CCDC85C: variants seen among roughly 807,000 people sequenced by gnomAD.
CCDC85C encodes coiled-coil domain-containing protein 85C.
Under a neutral mutation model 38.3 loss-of-function variants are expected in CCDC85C, and 18 were observed. The observed-to-expected ratio is 0.47, with a 90% confidence interval of 0.33 to 0.70. The LOEUF is 0.70. Among genes scored for constraint, CCDC85C ranks in the 30% least tolerant of loss-of-function variants. The pLI, the probability that CCDC85C is intolerant of heterozygous loss-of-function variation, is 0.03. For synonymous variants in CCDC85C, 264 were observed against 293.8 expected (o/e 0.90, Z 1.04); for missense variants, 566 against 621.2 (o/e 0.91, Z 0.94).
At chr14:99,546,615 T>C (rs964371839) in intron 1 of CCDC85C, among the ~76,000 whole-genome samples, 2 of 151,884 alleles carry the variant, frequency 1.3e-5, no homozygotes, top group Non-Finnish European at 2.9e-5. Flanking sequence ...CCTAGGGCGA[T>C]GGGAGTTCAG....
intron 5 of CCDC85C, 125 bp from the exon 6 acceptor site, chr14:99,515,460 C>T (rs1282975856): frequency 6.0e-6 from 4 of 668,838 alleles, no homozygotes; most frequent in African/African-American, 3.6e-5. Flanking sequence ...AGGAGGGACA[C>T]GGAGGCCACT....
chr14:99,559,222 G>GC (rs202163707), intron 1 of CCDC85C, among the ~76,000 whole-genome samples: 6 of 151,284 alleles, frequency 4.0e-5, no homozygotes, highest in African/African-American at 1.2e-4. Flanking sequence ...GAGTCCCCCC[G>GC]AGAGCCTCCA....
chr14:99,560,464 T>A (rs991387371), intron 1 of CCDC85C, among the ~76,000 whole-genome samples: 1 of 152,170 alleles, frequency 6.6e-6, no homozygotes, highest in African/African-American at 2.4e-5. Context: ...AGGAGAGCCA[T>A]GAGTACCACA....
intron 1 of CCDC85C, among the ~76,000 whole-genome samples, chr14:99,561,609 C>T (rs1225945791): frequency 6.6e-6 from 1 of 152,204 alleles, no homozygotes; most frequent in Non-Finnish European, 1.5e-5. Context: ...CTTGCAGGAC[C>T]TGCTCTGTGC....
chr14:99,577,919 T>C (rs1595097537), intron 1 of CCDC85C, among the ~76,000 whole-genome samples: 1 of 99,490 alleles, frequency 1.0e-5, no homozygotes, highest in Non-Finnish European at 2.0e-5. Context: ...CCCCCATCAG[T>C]GTGTGTGTGT....
intron 1 of CCDC85C, among the ~76,000 whole-genome samples, chr14:99,594,763 A>G (rs2055125282): frequency 6.7e-6 from 1 of 149,292 alleles, no homozygotes; most frequent in African/African-American, 2.6e-5. Flanking sequence ...AGAGGCACAG[A>G]CTTACACATG....
intron 1 of CCDC85C, among the ~76,000 whole-genome samples, chr14:99,565,883 G>A (rs973729433): frequency 4.6e-5 from 7 of 152,202 alleles, no homozygotes; most frequent in African/African-American, 1.7e-4. Flanking sequence ...GATGATACAC[G>A]AGGGCATGCC....
chr14:99,525,325 G>C (rs918294492), intron 2 of CCDC85C, among the ~76,000 whole-genome samples: 2 of 152,154 alleles, frequency 1.3e-5, no homozygotes, highest in Non-Finnish European at 2.9e-5. Flanking sequence ...AAGCTGCAGG[G>C]GGCCTATGTG....
In CCDC85C at chr14:99,604,140, C is replaced by G; in HGVS notation, c.-181G>C. 2.3e-6 allele frequency: 1 copy of G among 428,258 alleles called. No individual in the cohort carries two copies. The highest frequency in any genetic ancestry group is 3.1e-6 in the Non-Finnish European group (1 of 323,670). 26.5% of individuals were successfully genotyped at this position (428,258 alleles called of 1,614,324 possible). A position where few individuals can be genotyped will look rare whatever the true frequency, so the allele number is the denominator to read the frequency against. On this transcript the variant is annotated 5_prime_UTR_variant, in exon 1 of 6. Transcript: ENST00000380243. ...CCGGGGCCGCCCGGGAGCCCGCGCG[C>G]CTCGGGGTTGACGAGCGGAGGCGGC...
At chr14:99,527,807 G>A (rs1897415148) in intron 2 of CCDC85C, among the ~76,000 whole-genome samples, 1 of 152,154 alleles carries the variant, frequency 6.6e-6, no homozygotes, top group Admixed American at 6.5e-5. Context: ...AACTCATGCA[G>A]ACTTGCAAGC....
chr14:99,560,590 G>A (rs2144806), intron 1 of CCDC85C, among the ~76,000 whole-genome samples: 85,903 of 152,076 alleles, frequency 0.56, 24,989 homozygotes, highest in African/African-American at 0.71. Context: ...CAGGGAAGGG[G>A]CTGCGCAGGC....
chr14:99,597,040 G>A (rs1301393199), intron 1 of CCDC85C, among the ~76,000 whole-genome samples: 1 of 152,154 alleles, frequency 6.6e-6, no homozygotes, highest in Admixed American at 6.5e-5. Flanking sequence ...AGACTCACCA[G>A]GTCTGGAACC....
chr14:99,510,722 C>A lies in CCDC85C; in HGVS notation c.*4524G>T. ...GAGGACAGCCTCCTGTGCCCCCGCC[C>A]ATTCCCCCACCCGGCATGCCTCCAG... On this transcript the variant is annotated 3_prime_UTR_variant, in exon 6 of 6. Coordinates refer to ENST00000380243, the MANE Select transcript of CCDC85C (RefSeq NM_001144995.2). The A allele has an allele frequency of 7.0e-7, 1 of 1,433,400 alleles. No individual in the cohort carries two copies. The highest frequency in any genetic ancestry group is 2.6e-5 in the East Asian group (1 of 38,368). 88.8% of individuals were successfully genotyped at this position (1,433,400 alleles called of 1,614,324 possible). A position where few individuals can be genotyped will look rare whatever the true frequency, so the allele number is the denominator to read the frequency against.
At chr14:99,554,372 G>T (rs1031794967) in intron 1 of CCDC85C, among the ~76,000 whole-genome samples, 1 of 152,214 alleles carries the variant, frequency 6.6e-6, no homozygotes, top group Admixed American at 6.5e-5. Context: ...CAAGGCCTCC[G>T]CCTGAGTGTG....
At position 99,593,426 on chromosome 14, in the gene CCDC85C, CT is replaced by C. The variant is rs532024853; in HGVS notation, c.793+9740del. On this transcript the variant is annotated intron_variant, in intron 1 of 5. Transcript: ENST00000380243. Reference sequence around the variant, plus strand: ...CAGCCTAGAAAGGCCTCTGCCTCACCTGTCCAGCCCTGCGAAAGTGGGGTGG... The same window carrying C: ...CAGCCTAGAAAGGCCTCTGCCTCACCGTCCAGCCCTGCGAAAGTGGGGTGG... 1.5e-4 allele frequency among the ~76,000 whole-genome samples: 23 copies of C among 152,396 alleles called. 1 individual carries two copies. In the South Asian group the frequency reaches 3.5e-3, roughly 23 times the overall value.
chr14:99,592,974 G>A (rs1317639320), intron 1 of CCDC85C, among the ~76,000 whole-genome samples: 2 of 152,238 alleles, frequency 1.3e-5, no homozygotes, highest in Non-Finnish European at 2.9e-5. Context: ...CTGGAGAAAG[G>A]GTGGCTGGGT....
At position 99,548,571 on chromosome 14, in the gene CCDC85C, G is replaced by A. The variant is rs977075772; in HGVS notation, c.794-12483C>T. ...GTGTCTGCCAACACCAGCTGTACTA[G>A]TGAAAACTGTAAACCACCCAAATGC... On this transcript the variant is annotated intron_variant, in intron 1 of 5. Transcript: ENST00000380243. This position sits in a 1 kb window ranked among gnomAD's most constrained non-coding sequence, Gnocchi z 4.9. Among the ~76,000 whole-genome samples the A allele has an allele frequency of 9.3e-5, 14 of 151,152 alleles. No homozygotes were observed. The highest frequency in any genetic ancestry group is 1.8e-4 in the Non-Finnish European group (12 of 67,912).
chr14:99,543,499 G>C (rs1456847242), intron 1 of CCDC85C, among the ~76,000 whole-genome samples: 1 of 152,160 alleles, frequency 6.6e-6, no homozygotes, highest in Non-Finnish European at 1.5e-5. Context: ...GCCCAGGAGA[G>C]AGGGGCAGAG....
rs1376031580 is a variant in CCDC85C at position 99,505,242 on chromosome 14, A to G, written c.*10004T>C. 1.3e-5 allele frequency: 2 copies of G among 152,312 alleles called. No individual in the cohort carries two copies. Among genetic ancestry groups the G allele is most frequent in the African/African-American group, 2.4e-5 (1 of 41,452 alleles). 9.4% of individuals were successfully genotyped at this position (152,312 alleles called of 1,614,324 possible). On this transcript the variant is annotated 3_prime_UTR_variant, in exon 6 of 6. Transcript: ENST00000380243. ...AATCTTGCTGGCACTCATGGGAAAC[A>G]TGGTGGCCTCAGCATGCTGGCTGCG...
Sources: gnomAD v4.1 joint callset for allele counts (sites outside exome capture counted in the v4.1 genomes callset) on GRCh38, gnomAD v4.1.1 for gene constraint, Gnocchi (gnomAD v3.1) non-coding constraint, MANE v1.5 for transcripts, NCBI Gene and HGNC (gene_info 2026-07-23, HGNC 2026-07-21) for gene names.